Variants in POM121C observed in about 807,000 individuals in gnomAD.
POM121C encodes the protein nuclear envelope pore membrane protein POM 121C.
Under a neutral mutation model 66.4 loss-of-function variants are expected in POM121C, and 20 were observed. The observed-to-expected ratio is 0.30, with a 90% CI of 0.21 to 0.44. POM121C has a LOEUF of 0.44. Among genes scored for constraint, POM121C ranks in the 20% least tolerant of loss-of-function variants. The probability of loss-of-function intolerance (pLI) is 1.00; values close to 1 mark genes in which losing one functional copy is unlikely to be tolerated. For synonymous variants in POM121C, 286 were observed against 528.0 expected (o/e 0.54, Z 6.28); for missense variants, 580 against 1,225.7 (o/e 0.47, Z 7.87).
At chr7:75,456,377 G>A (rs1410637113) in intron 3 of POM121C, among the ~76,000 whole-genome samples, 10 of 152,388 alleles carry the variant, frequency 6.6e-5, no homozygotes, top group Non-Finnish European at 1.2e-4. Flanking sequence ...ACCATGTACC[G>A]AGTGCTGCTT....
chr7:75,456,522 G>A (rs1219030224), intron 3 of POM121C, among the ~76,000 whole-genome samples: 3 of 152,266 alleles, frequency 2.0e-5, no homozygotes, highest in African/African-American at 7.2e-5. Context: ...GTGAACAGAC[G>A]AAATGAGGAA....
intron 6 of POM121C, among the ~76,000 whole-genome samples, chr7:75,437,993 C>G (rs374541887): frequency 7.9e-5 from 12 of 152,250 alleles, no homozygotes; most frequent in African/African-American, 2.9e-4. Context: ...CATGTGGGAA[C>G]TTTTGGAGGT....
At chr7:75,433,101 G>A (rs1790247670) in intron 7 of POM121C, among the ~76,000 whole-genome samples, 1 of 151,532 alleles carries the variant, frequency 6.6e-6, no homozygotes, top group Admixed American at 6.6e-5. Flanking sequence ...TGGGCGTGGT[G>A]GCCAGAGCCT....
In POM121C at chr7:75,425,071, T is replaced by C; in HGVS notation, c.768+3A>G. 1 of 1,472,688 alleles carries C rather than the reference T, an allele frequency of 6.8e-7. No homozygotes were observed. Among genetic ancestry groups the C allele is most frequent in the South Asian group, 1.4e-5 (1 of 69,296 alleles). 91.2% of individuals were successfully genotyped at this position (1,472,688 alleles called of 1,614,324 possible). On this transcript the variant is annotated splice_donor_region_variant and intron_variant, in intron 10 of 14. Transcript: ENST00000615331. ...GGGCAGGAGTAGATGGACAAGACCA[T>C]ACCAAGGTCAGCTGTTCCCCTCGCC...
chr7:75,477,609 G>C (rs1792140197), intron 1 of POM121C, among the ~76,000 whole-genome samples: 1 of 151,924 alleles, frequency 6.6e-6, no homozygotes, highest in South Asian at 2.1e-4. Context: ...AAATAGCTCA[G>C]GGAAAAAAAA....
At chr7:75,433,258 AAAG>A (rs1790257328) in intron 7 of POM121C, among the ~76,000 whole-genome samples, 1 of 151,080 alleles carries the variant, frequency 6.6e-6, no homozygotes, top group Non-Finnish European at 1.5e-5. Context: ...AAAAAAAAAA[AAAG>A]AATGTACAGT....
At chr7:75,440,849 G>T in intron 5 of POM121C, 105 bp downstream of exon 5, 1 of 1,586,404 alleles carries the variant, frequency 6.3e-7, no homozygotes, top group Non-Finnish European at 8.6e-7. Flanking sequence ...GCCTATGAAG[G>T]CTCACAAACT....
Position 75,416,798 on chromosome 7 carries a change from C to T in POM121C, c.*1998G>A. On this transcript the variant is annotated 3_prime_UTR_variant, in exon 15 of 15. Transcript: ENST00000615331. ...GCAGAACGTACTCTACGATAGATCA[C>T]AGTTTTTTATTCTTAATGTCACAAG... 6.6e-7 allele frequency: 1 copy of T among 1,514,110 alleles called. No individual in the cohort carries two copies. The allele number at this position is 1,514,110 out of a possible 1,614,324, so 93.8% of individuals were successfully genotyped here. A position where few individuals can be genotyped will look rare whatever the true frequency, so the allele number is the denominator to read the frequency against.
intron 3 of POM121C, among the ~76,000 whole-genome samples, chr7:75,450,597 T>C (rs1790988938): frequency 6.6e-6 from 1 of 152,240 alleles, no homozygotes; most frequent in African/African-American, 2.4e-5. Flanking sequence ...TTTTAGCTCC[T>C]AGTATTCAAG....
At chr7:75,457,245 C>G (rs1554476432) in intron 3 of POM121C, among the ~76,000 whole-genome samples, 8 of 149,866 alleles carry the variant, frequency 5.3e-5, no homozygotes, top group Non-Finnish European at 1.2e-4. Context: ...CCAACAAATT[C>G]TGGAAAGGTA....
intron 3 of POM121C, chr7:75,442,818 G>A (rs2116419375): frequency 1.6e-6 from 2 of 1,218,720 alleles, no homozygotes; most frequent in Middle Eastern, 3.2e-4. Context: ...GCGCGACTCG[G>A]GGAGACGCTA....
At position 75,439,164 on chromosome 7, in the gene POM121C, G is replaced by C. The variant is rs1554473462; in HGVS notation, c.288C>G (p.Val96=). ...CTTACTTAGGCACAAAAGAAGCGGGGACTCCACTGGCCACCAGGGGCTCAA... is the reference window on the plus strand; with the variant it reads ...CTTACTTAGGCACAAAAGAAGCGGGCACTCCACTGGCCACCAGGGGCTCAA... ...SAFEPLVASG[V]PASFVPKPGS... Residue 96 remains valine, a synonymous_variant, in exon 6 of 15, where the codon GTC becomes GTG. Transcript: ENST00000615331. The C allele has an allele frequency of 8.1e-6, 13 of 1,614,236 alleles. No individual in the cohort carries two copies. The highest frequency in any genetic ancestry group is 1.1e-5 in the Non-Finnish European group (13 of 1,180,040).
Position 75,419,445 on chromosome 7 carries a change from G to A in POM121C, c.2744-3C>T, listed in dbSNP as rs782184578. On this transcript the variant is annotated splice_region_variant and splice_polypyrimidine_tract_variant and intron_variant, in intron 13 of 14. Coordinates refer to ENST00000615331, the MANE Select transcript of POM121C (RefSeq NM_001099415.3). The stretch of plus-strand genomic sequence containing the variant: ...ACCAAAGGTGGGGGTGGCGGTGCCT[G>A]GAATGAAGAGAACAGAGAGCTAGCC... The A allele has an allele frequency of 2.5e-6, 4 of 1,613,090 alleles. No homozygotes were observed. Among genetic ancestry groups the A allele is most frequent in the East Asian group, 4.5e-5 (2 of 44,850 alleles).
chr7:75,434,230 C>T (rs587728380), intron 7 of POM121C, among the ~76,000 whole-genome samples: 1 of 152,060 alleles, frequency 6.6e-6, no homozygotes, highest in African/African-American at 2.4e-5. Flanking sequence ...AATCATTCAA[C>T]ATGTGAACAG....
chr7:75,466,211 T>A (rs1477552308), intron 3 of POM121C, among the ~76,000 whole-genome samples: 18 of 138,966 alleles, frequency 1.3e-4, no homozygotes, highest in East Asian at 2.0e-4. Context: ...GAAGAAGCAA[T>A]AAAAAAAAAA....
At chr7:75,477,729 G>C (rs1229000595) in intron 1 of POM121C, among the ~76,000 whole-genome samples, 1 of 151,322 alleles carries the variant, frequency 6.6e-6, no homozygotes, top group African/African-American at 2.4e-5. Context: ...AGGAGCTTGA[G>C]ACCAGCCTTG....
chr7:75,476,262 G>A (rs1367046956), intron 1 of POM121C, among the ~76,000 whole-genome samples: 1 of 149,416 alleles, frequency 6.7e-6, no homozygotes, highest in Non-Finnish European at 1.5e-5. Context: ...CTGCACTCCA[G>A]CCTAGGCAAC....
Position 75,485,912 on chromosome 7 carries a change from G to T in POM121C, c.-506C>A, listed in dbSNP as rs1448273795. On this transcript the variant is annotated 5_prime_UTR_variant, in exon 1 of 15. Transcript: ENST00000615331. Reference sequence around the variant, plus strand: ...GCCCCACGGCTCCCGAGAGGCCGGGGCGGGCTGCTGTCGCTGGCGCGCGCG... The same window carrying T: ...GCCCCACGGCTCCCGAGAGGCCGGGTCGGGCTGCTGTCGCTGGCGCGCGCG... The T allele has an allele frequency of 2.0e-6, 1 of 500,952 alleles. No homozygotes were observed. Among genetic ancestry groups the T allele is most frequent in the African/African-American group, 1.9e-5 (1 of 51,690 alleles). The allele number at this position is 500,952 out of a possible 1,614,324, so 31.0% of individuals were successfully genotyped here. A position where few individuals can be genotyped will look rare whatever the true frequency, so the allele number is the denominator to read the frequency against.
chr7:75,421,453 A>C, intron 13 of POM121C, 56 bp downstream of exon 13: 1 of 1,607,106 alleles, frequency 6.2e-7, no homozygotes, highest in Non-Finnish European at 8.5e-7. Context: ...CACAGGCTTC[A>C]CAGGCACAGC....
Sources: allele counts gnomAD v4.1 joint callset (sites outside exome capture counted in the v4.1 genomes callset), GRCh38; gene constraint gnomAD v4.1.1; transcripts MANE v1.5; gene names NCBI Gene and HGNC (gene_info 2026-07-23, HGNC 2026-07-21).